Variants in PAX5 observed in about 807,000 individuals in gnomAD.
The protein encoded by PAX5 is paired box 5, also known as paired box protein Pax-5.
PAX5 carries 9 observed loss-of-function variants against 43.7 expected under a neutral mutation model. The ratio of observed to expected loss-of-function variants is 0.21; its 90% CI spans 0.12 to 0.36. The LOEUF (loss-of-function observed/expected upper bound fraction) is 0.36. Ranked by LOEUF, PAX5 falls within the 10% of genes least tolerant of loss-of-function variation. PAX5 has a pLI of 1.00. For synonymous variants in PAX5, 228 were observed against 214.3 expected (o/e 1.06, Z -0.56); for missense variants, 383 against 532.7 (o/e 0.72, Z 2.77).
intron 7 of PAX5, among the ~76,000 whole-genome samples, chr9:36,891,147 CAA>C (rs545088727): frequency 6.6e-6 from 1 of 150,854 alleles, no homozygotes; most frequent in African/African-American, 2.4e-5. Flanking sequence ...TCCAAAAAAA[CAA>C]AAAAAAACTT....
At chr9:36,905,225 G>A (rs552646564) in intron 7 of PAX5, among the ~76,000 whole-genome samples, 5 of 152,318 alleles carry the variant, frequency 3.3e-5, no homozygotes, top group Non-Finnish European at 5.9e-5. Context: ...CGGGGAGGCC[G>A]GACCCCTGGC....
At position 36,839,674 on chromosome 9, in the gene PAX5, G is replaced by A. The variant is rs1008790480; in HGVS notation, c.*886C>T. Reference sequence around the variant, plus strand: ...AGAGCCTCAGGCCCCTCCTTGGCTGGGATCAGATGATCTCCTGCGTCCCAT... The same window carrying A: ...AGAGCCTCAGGCCCCTCCTTGGCTGAGATCAGATGATCTCCTGCGTCCCAT... On this transcript the variant is annotated 3_prime_UTR_variant, in exon 10 of 10. Transcript: ENST00000358127. 2 of 233,186 alleles carry A rather than the reference G, an allele frequency of 8.6e-6. No individual in the cohort carries two copies. Among genetic ancestry groups the A allele is most frequent in the African/African-American group, 4.4e-5 (2 of 45,330 alleles). 14.4% of individuals were successfully genotyped at this position (233,186 alleles called of 1,614,324 possible). A position where few individuals can be genotyped will look rare whatever the true frequency, so the allele number is the denominator to read the frequency against.
chr9:36,950,065 C>G (rs1209240794), intron 6 of PAX5, among the ~76,000 whole-genome samples: 5 of 152,220 alleles, frequency 3.3e-5, no homozygotes, highest in Admixed American at 2.6e-4. Context: ...TCATCTAAGT[C>G]CCTAAGCTCC....
intron 8 of PAX5, among the ~76,000 whole-genome samples, chr9:36,870,359 AG>A (rs1334996278): frequency 6.6e-6 from 1 of 152,214 alleles, no homozygotes; most frequent in African/African-American, 2.4e-5. Flanking sequence ...AAACACAAAA[AG>A]CTTATTTTTA....
At chr9:37,026,655 C>A (rs562823022) in intron 1 of PAX5, 1 of 1,349,000 alleles carries the variant, frequency 7.4e-7, no homozygotes, top group Non-Finnish European at 9.7e-7. Flanking sequence ...TAGGGAGCCT[C>A]GCCACCAGGC....
Position 36,840,141 on chromosome 9 carries a change from C to A in PAX5, c.*419G>T. 1 of 382,912 alleles carries A rather than the reference C, an allele frequency of 2.6e-6. No homozygotes were observed. The highest frequency in any genetic ancestry group is 4.7e-5 in the East Asian group (1 of 21,154). The allele number at this position is 382,912 out of a possible 1,614,324, so 23.7% of individuals were successfully genotyped here. A position where few individuals can be genotyped will look rare whatever the true frequency, so the allele number is the denominator to read the frequency against. On this transcript the variant is annotated 3_prime_UTR_variant, in exon 10 of 10. Transcript: ENST00000358127. ...GGTGGAGCAGTCTTCTCAGTCGGACCTTCAGGCCCACAGAAAAGCAAGAAG... is the reference window on the plus strand; with the variant it reads ...GGTGGAGCAGTCTTCTCAGTCGGACATTCAGGCCCACAGAAAAGCAAGAAG...
chr9:37,034,097 T>TG lies in PAX5; in HGVS notation c.-67_-66insC. On this transcript the variant is annotated 5_prime_UTR_variant, in exon 1 of 10. Transcript: ENST00000358127. ...TTCCACTTTTTTGTGCCTTTTTTTT[T>TG]CTTTTTTTTTTTTTTTTTTTTTTTT... 3 of 619,482 alleles carry TG rather than the reference T, an allele frequency of 4.8e-6. No individual in the cohort carries two copies. Among genetic ancestry groups the TG allele is most frequent in the Non-Finnish European group, 5.3e-6 (2 of 376,408 alleles). The allele number at this position is 619,482 out of a possible 1,614,324, so 38.4% of individuals were successfully genotyped here.
At chr9:36,863,995 G>A (rs1222636034) in intron 8 of PAX5, among the ~76,000 whole-genome samples, 1 of 152,192 alleles carries the variant, frequency 6.6e-6, no homozygotes, top group South Asian at 2.1e-4. Flanking sequence ...TGTAGTCCCA[G>A]CTACTCGGGA....
At chr9:36,966,438 C>T (rs1834441901) in intron 6 of PAX5, 111 bp downstream of exon 6, 4 of 1,167,716 alleles carry the variant, frequency 3.4e-6, no homozygotes. Flanking sequence ...CCTCTCTGAG[C>T]AGAACCTGGT....
Position 36,838,639 on chromosome 9 carries a change from C to T in PAX5, c.*1921G>A, listed in dbSNP as rs908678053. The T allele has an allele frequency of 1.3e-4, 30 of 233,158 alleles. No individual in the cohort carries two copies. The highest frequency in any genetic ancestry group is 4.6e-4 in the African/African-American group (21 of 45,438). The allele number at this position is 233,158 out of a possible 1,614,324, so 14.4% of individuals were successfully genotyped here. A position where few individuals can be genotyped will look rare whatever the true frequency, so the allele number is the denominator to read the frequency against. On this transcript the variant is annotated 3_prime_UTR_variant, in exon 10 of 10. Transcript: ENST00000358127. ...CAGGCTCTTCTGATTCCCGCCCCTCCGAGTGTTCTTGTTTCCCACTTGGTC... is the reference window on the plus strand; with the variant it reads ...CAGGCTCTTCTGATTCCCGCCCCTCTGAGTGTTCTTGTTTCCCACTTGGTC...
At chr9:36,940,436 G>A (rs929538212) in intron 6 of PAX5, among the ~76,000 whole-genome samples, 1 of 152,164 alleles carries the variant, frequency 6.6e-6, no homozygotes, top group Non-Finnish European at 1.5e-5. Flanking sequence ...GCCACTCTTT[G>A]TGGAAATTAT....
Position 36,834,461 on chromosome 9 carries a change from C to T in PAX5, c.*6099G>A, listed in dbSNP as rs1350546281. 1.3e-5 allele frequency: 3 copies of T among 230,982 alleles called. No homozygotes were observed. The highest frequency in any genetic ancestry group is 5.7e-5 in the Admixed American group (1 of 17,506). The allele number at this position is 230,982 out of a possible 1,614,324, so 14.3% of individuals were successfully genotyped here. On this transcript the variant is annotated 3_prime_UTR_variant, in exon 10 of 10. Transcript: ENST00000358127. ...GTGTGTGTGTGTGTGTGTTTACATG[C>T]TCGTGCACCTTATGGAGGGGAAGGC...
At position 36,839,736 on chromosome 9, in the gene PAX5, A is replaced by G. The variant is rs1471392281; in HGVS notation, c.*824T>C. Reference sequence around the variant, plus strand: ...ATTCAAAGTCCACAATGTAATCAATACCTCGGATGACATTCTGCTTCGGAA... The same window carrying G: ...ATTCAAAGTCCACAATGTAATCAATGCCTCGGATGACATTCTGCTTCGGAA... On this transcript the variant is annotated 3_prime_UTR_variant, in exon 10 of 10. Coordinates refer to ENST00000358127, the MANE Select transcript of PAX5 (RefSeq NM_016734.3). 1 of 233,206 alleles carries G rather than the reference A, an allele frequency of 4.3e-6. No homozygotes were observed. Among genetic ancestry groups the G allele is most frequent in the African/African-American group, 2.2e-5 (1 of 45,314 alleles). 14.4% of individuals were successfully genotyped at this position (233,206 alleles called of 1,614,324 possible).
intron 5 of PAX5, among the ~76,000 whole-genome samples, chr9:36,986,079 C>A (rs1236298245): frequency 1.3e-5 from 2 of 152,026 alleles, no homozygotes; most frequent in East Asian, 1.9e-4. Flanking sequence ...CCGCCCGGCA[C>A]CCCCGTCCGG....
intron 2 of PAX5, among the ~76,000 whole-genome samples, chr9:37,018,941 A>G (rs991865775): frequency 6.6e-6 from 1 of 152,154 alleles, no homozygotes; most frequent in African/African-American, 2.4e-5. Flanking sequence ...AAGGCTCAGT[A>G]TCTTGCCCTG....
chr9:36,982,230 C>T (rs1835997582), intron 5 of PAX5, among the ~76,000 whole-genome samples: 2 of 152,140 alleles, frequency 1.3e-5, no homozygotes, highest in Admixed American at 6.5e-5. Flanking sequence ...TGCCACTGCA[C>T]TCCGGCCTGG....
chr9:36,917,164 C>T (rs547643630), intron 7 of PAX5, among the ~76,000 whole-genome samples: 193 of 152,210 alleles, frequency 1.3e-3, no homozygotes, highest in African/African-American at 4.4e-3. Flanking sequence ...ATAAACAGGT[C>T]TTTGGTCAAG....
intron 6 of PAX5, among the ~76,000 whole-genome samples, chr9:36,940,787 G>A (rs752274579): frequency 8.5e-5 from 13 of 152,176 alleles, no homozygotes; most frequent in Non-Finnish European, 1.8e-4. Flanking sequence ...CTCCACAAGG[G>A]CAGTGATTTT....
At chr9:36,905,834 T>C (rs536781744) in intron 7 of PAX5, among the ~76,000 whole-genome samples, 4 of 152,192 alleles carry the variant, frequency 2.6e-5, no homozygotes, top group Admixed American at 2.6e-4. Context: ...GAACTTGAGT[T>C]CTCAGTCTCA....
Sources: allele counts gnomAD v4.1 joint callset (sites outside exome capture counted in the v4.1 genomes callset), GRCh38; gene constraint gnomAD v4.1.1; transcripts MANE v1.5; gene names NCBI Gene and HGNC (gene_info 2026-07-23, HGNC 2026-07-21).